ERI3: variants seen among roughly 807,000 people sequenced by gnomAD.
ERI3 encodes ERI1 exoribonuclease family member 3.
Under a neutral mutation model 44.4 loss-of-function variants are expected in ERI3, and 18 were observed. The observed-to-expected ratio is 0.41, with a 90% CI of 0.28 to 0.60. The LOEUF (loss-of-function observed/expected upper bound fraction) is 0.60. Among genes scored for constraint, ERI3 ranks in the 20% least tolerant of loss-of-function variants. ERI3 has a pLI of 0.36. For missense variants in ERI3, 294 were observed against 435.5 expected (o/e 0.68, Z 2.89); for synonymous variants, 183 against 164.8 (o/e 1.11, Z -0.84).
At chr1:44,321,284 G>A (rs891565999) in intron 3 of ERI3, among the ~76,000 whole-genome samples, 2 of 152,186 alleles carry the variant, frequency 1.3e-5, no homozygotes, top group Admixed American at 6.5e-5. Flanking sequence ...TCCGTGGGCT[G>A]ATCTCCAAAG....
intron 7 of ERI3, among the ~76,000 whole-genome samples, chr1:44,281,808 A>G (rs1645293109): frequency 6.6e-6 from 1 of 151,006 alleles, no homozygotes; most frequent in Non-Finnish European, 1.5e-5. Context: ...CAGACATGCA[A>G]TTTGGAGTAT....
At chr1:44,302,494 A>G (rs1023925710) in intron 6 of ERI3, among the ~76,000 whole-genome samples, 1 of 152,232 alleles carries the variant, frequency 6.6e-6, no homozygotes, top group Non-Finnish European at 1.5e-5. Context: ...GCTTCCAAAC[A>G]TAAATACAGA....
Position 44,235,163 on chromosome 1 carries a change from A to G in ERI3, c.931+12776T>C, listed in dbSNP as rs1446088878. ...AATCCCCATTAAGTTCAATATTGCC[A>G]CCTTGCCTGACTCAGCTCCCAATGC... is the stretch of plus-strand genomic sequence containing the variant. On this transcript the variant is annotated intron_variant, in intron 8 of 8. Coordinates refer to ENST00000372257, the MANE Select transcript of ERI3 (RefSeq NM_024066.3). This position sits in a 1 kb window ranked among gnomAD's most constrained non-coding sequence, Gnocchi z 4.6. 3.3e-5 allele frequency among the ~76,000 whole-genome samples: 5 copies of G among 152,150 alleles called. No homozygotes were observed. The highest frequency in any genetic ancestry group is 1.3e-4 in the Admixed American group (2 of 15,278).
At chr1:44,280,544 C>T (rs769092699) in intron 7 of ERI3, among the ~76,000 whole-genome samples, 2 of 152,132 alleles carry the variant, frequency 1.3e-5, no homozygotes, top group Non-Finnish European at 2.9e-5. Flanking sequence ...CACAACGACT[C>T]GGAGAGGGTC....
At chr1:44,310,952 C>T (rs201572345) in intron 5 of ERI3, among the ~76,000 whole-genome samples, 6 of 38,862 alleles carry the variant, frequency 1.5e-4, no homozygotes, top group East Asian at 9.2e-4. Flanking sequence ...ATGTGCACAT[C>T]GCGCGCGCGC....
At chr1:44,319,855 G>T in intron 3 of ERI3, 111 bp from the exon 4 acceptor site, 1 of 818,046 alleles carries the variant, frequency 1.2e-6, no homozygotes. Context: ...TAGTGTTTTG[G>T]GTTCATTAGC....
At chr1:44,329,788 G>A (rs1268201243) in intron 3 of ERI3, among the ~76,000 whole-genome samples, 2 of 152,210 alleles carry the variant, frequency 1.3e-5, no homozygotes, top group Admixed American at 6.5e-5. Context: ...TCCCTGATAC[G>A]GATCTTCTAC....
chr1:44,332,795 A>G (rs1646458360), intron 3 of ERI3, among the ~76,000 whole-genome samples: 1 of 152,218 alleles, frequency 6.6e-6, no homozygotes, highest in East Asian at 1.9e-4. Context: ...CTTATGAGGG[A>G]CCACCAGGAA....
At chr1:44,247,787 T>C in intron 8 of ERI3, 152 bp downstream of exon 8, 1 of 567,790 alleles carries the variant, frequency 1.8e-6, no homozygotes, top group Non-Finnish European at 3.0e-6. Flanking sequence ...AATTTTCTCA[T>C]GCCACCCCCC....
At chr1:44,296,407 C>A (rs1002516672) in intron 6 of ERI3, among the ~76,000 whole-genome samples, 3 of 152,330 alleles carry the variant, frequency 2.0e-5, no homozygotes, top group African/African-American at 7.2e-5. Flanking sequence ...GCGCTGCCTC[C>A]AGCCACATAC....
intron 3 of ERI3, among the ~76,000 whole-genome samples, chr1:44,321,151 T>C (rs1454818812): frequency 6.6e-6 from 1 of 152,134 alleles, no homozygotes; most frequent in Non-Finnish European, 1.5e-5. Flanking sequence ...CGGCAAAACA[T>C]ACCCACTAAT....
chr1:44,221,986 C>T lies in ERI3; in HGVS notation c.932-346G>A, dbSNP rs1222244130. 1.3e-5 allele frequency among the ~76,000 whole-genome samples: 2 copies of T among 152,224 alleles called. No homozygotes were observed. Among genetic ancestry groups the T allele is most frequent in the African/African-American group, 2.4e-5 (1 of 41,458 alleles). ...CCCTTGACGGCCCCCGGCCGCTGGG[C>T]GATCCTTCTTGTTGCTGCCGCGTGG... On this transcript the variant is annotated intron_variant, in intron 8 of 8. Coordinates refer to ENST00000372257, the MANE Select transcript of ERI3 (RefSeq NM_024066.3). This position sits in a 1 kb window ranked among gnomAD's most constrained non-coding sequence, Gnocchi z 5.9.
At chr1:44,301,727 C>A (rs1461999221) in intron 6 of ERI3, among the ~76,000 whole-genome samples, 3 of 152,240 alleles carry the variant, frequency 2.0e-5, no homozygotes, top group Admixed American at 6.5e-5. Context: ...CTGACCCACC[C>A]ACTCCAATGG....
At chr1:44,346,212 C>T (rs1241817882) in intron 2 of ERI3, among the ~76,000 whole-genome samples, 1 of 152,224 alleles carries the variant, frequency 6.6e-6, no homozygotes, top group Non-Finnish European at 1.5e-5. Flanking sequence ...CTATGGAGAG[C>T]TCCCCCAACT....
At chr1:44,349,670 T>G (rs753070998) in intron 2 of ERI3, among the ~76,000 whole-genome samples, 1 of 152,224 alleles carries the variant, frequency 6.6e-6, no homozygotes, top group Non-Finnish European at 1.5e-5. Flanking sequence ...TTTTAAAAAC[T>G]TATTAATTAT....
At chr1:44,310,454 CAA>C (rs1213339540) in intron 5 of ERI3, among the ~76,000 whole-genome samples, 2 of 151,680 alleles carry the variant, frequency 1.3e-5, no homozygotes, top group African/African-American at 4.9e-5. Context: ...AGGATCTACT[CAA>C]GAGATATTTG....
chr1:44,349,843 T>C (rs1336050706), intron 2 of ERI3, among the ~76,000 whole-genome samples: 2 of 152,032 alleles, frequency 1.3e-5, no homozygotes, highest in African/African-American at 4.8e-5. Flanking sequence ...AACACTGCTA[T>C]CAGAAACCTA....
At position 44,223,372 on chromosome 1, in the gene ERI3, G is replaced by A. The variant is rs114696168; in HGVS notation, c.932-1732C>T. On this transcript the variant is annotated intron_variant, in intron 8 of 8. Coordinates refer to ENST00000372257, the MANE Select transcript of ERI3 (RefSeq NM_024066.3). ...AGTTGACAGGAAGGGGAATGGGACC[G>A]GAAGGGGCCTAAGAGGGGGAAGGGT... 5.5e-3 allele frequency among the ~76,000 whole-genome samples: 838 copies of A among 152,184 alleles called. 4 individuals are homozygous for A. Among genetic ancestry groups the A allele is most frequent in the Non-Finnish European group, 9.2e-3 (623 of 68,008 alleles).
intron 7 of ERI3, among the ~76,000 whole-genome samples, chr1:44,254,489 C>A (rs1024012886): frequency 6.6e-6 from 1 of 152,152 alleles, no homozygotes; most frequent in African/African-American, 2.4e-5. Flanking sequence ...ACCACCCATC[C>A]CCCAATTTTT....
Sources: gnomAD v4.1 joint callset for allele counts (sites outside exome capture counted in the v4.1 genomes callset) on GRCh38, gnomAD v4.1.1 for gene constraint, Gnocchi (gnomAD v3.1) non-coding constraint, MANE v1.5 for transcripts, NCBI Gene and HGNC (gene_info 2026-07-23, HGNC 2026-07-21) for gene names.